The following NAPG variants were observed in gnomAD, a reference collection of about 807,000 sequenced individuals.
The protein encoded by NAPG is gamma-soluble NSF attachment protein.
NAPG carries 25 observed loss-of-function variants against 48.4 expected under a neutral mutation model. The ratio of observed to expected loss-of-function variants is 0.52; its 90% CI spans 0.38 to 0.72. The LOEUF (loss-of-function observed/expected upper bound fraction) is 0.72. Ranked by LOEUF, NAPG falls within the 30% of genes least tolerant of loss-of-function variation. NAPG has a pLI of 0.00. For missense variants in NAPG, 359 were observed against 372.5 expected (o/e 0.96, Z 0.30); for synonymous variants, 139 against 127.2 (o/e 1.09, Z -0.62).
At position 10,540,357 on chromosome 18, in the gene NAPG, A is replaced by G. The variant is rs745682963; in HGVS notation, c.464A>G (p.Glu155Gly). ...ENEERLRQAV[E>G]LLGKASRLLV... ...GAAGAACGCTTACGACAGGCAGTTG[A>G]ATTACTAGGAAAAGCCTCCAGACTA... Residue 155 changes from glutamate (E) to glycine (G), a missense_variant, in exon 8 of 12, where the codon GAA (glutamate) becomes GGA (glycine). Transcript: ENST00000322897. The G allele has an allele frequency of 6.2e-7, 1 of 1,613,806 alleles. No individual in the cohort carries two copies. Among genetic ancestry groups the G allele is most frequent in the Non-Finnish European group, 8.5e-7 (1 of 1,179,794 alleles).
In NAPG at chr18:10,540,390, G is replaced by A. The variant is rs749319093; in HGVS notation, c.497G>A (p.Arg166Gln). ...LLGKASRLLV[R>Q]GRRFDEAALS... Reference sequence around the variant, plus strand: ...GGAAAAGCCTCCAGACTACTAGTACGAGGACGTAGGTATGTCTTTAAAAAC... The same window carrying A: ...GGAAAAGCCTCCAGACTACTAGTACAAGGACGTAGGTATGTCTTTAAAAAC... The change falls in exon 8 of 12, where the codon CGA (arginine) becomes CAA (glutamine). Residue 166 changes from arginine to glutamine, a missense_variant. Transcript: ENST00000322897. 3.7e-5 allele frequency: 60 copies of A among 1,612,666 alleles called. No homozygotes were observed. The highest frequency in any genetic ancestry group is 1.7e-4 in the Middle Eastern group (1 of 6,056).
At chr18:10,526,190 A>G (rs2290279) in intron 1 of NAPG, 32 bp downstream of exon 1, 513,975 of 1,504,230 alleles carry the variant, frequency 0.34, 83,436 homozygotes, top group East Asian at 0.5. Context: ...GCCTGTGTGT[A>G]GACGCCGGGT....
intron 1 of NAPG, among the ~76,000 whole-genome samples, chr18:10,527,912 C>A (rs976238939): frequency 9.2e-5 from 14 of 151,948 alleles, no homozygotes; most frequent in South Asian, 2.1e-4. Flanking sequence ...CAGGCTGGGC[C>A]CTGTCGCTCA....
intron 5 of NAPG, among the ~76,000 whole-genome samples, chr18:10,536,595 A>G (rs2032037653): frequency 6.6e-6 from 1 of 152,192 alleles, no homozygotes; most frequent in African/African-American, 2.4e-5. Flanking sequence ...ATGGAGAAGT[A>G]TCAATATTGT....
intron 8 of NAPG, among the ~76,000 whole-genome samples, chr18:10,541,926 G>A (rs1340716982): frequency 6.6e-6 from 1 of 152,200 alleles, no homozygotes; most frequent in Non-Finnish European, 1.5e-5. Flanking sequence ...GAGAGGCCAG[G>A]ATCTTTTCGG....
Position 10,550,307 on chromosome 18 carries a change from G to A in NAPG, c.*87G>A, listed in dbSNP as rs932401718. ...ACTTGGGAATAGATTAGGGATATCC[G>A]TACTTCATTACAGTCATGATTTTGG... On this transcript the variant is annotated 3_prime_UTR_variant, in exon 12 of 12. Transcript: ENST00000322897. 58 of 1,375,554 alleles carry A rather than the reference G, an allele frequency of 4.2e-5. No homozygotes were observed. Among genetic ancestry groups the A allele is most frequent in the Admixed American group, 1.3e-4 (4 of 31,074 alleles). The allele number at this position is 1,375,554 out of a possible 1,614,324, so 85.2% of individuals were successfully genotyped here.
At position 10,546,748 on chromosome 18, in the gene NAPG, C is replaced by G. The variant is rs945030576; in HGVS notation, c.585+344C>G. ...CTCTTGCAGCATTCATTGCCCTGCC[C>G]TGAGAGAAGCCCACAGTTGTGGAGC... On this transcript the variant is annotated intron_variant, in intron 9 of 11. Transcript: ENST00000322897. This position sits in a 1 kb window ranked among gnomAD's most constrained non-coding sequence, Gnocchi z 4.0. 2.6e-5 allele frequency among the ~76,000 whole-genome samples: 4 copies of G among 152,154 alleles called. No individual in the cohort carries two copies. Among genetic ancestry groups the G allele is most frequent in the Admixed American group, 1.3e-4 (2 of 15,284 alleles).
At position 10,548,539 on chromosome 18, in the gene NAPG, C is replaced by CTT. The variant is rs377525469; in HGVS notation, c.665+172_665+173dup. Among the ~76,000 whole-genome samples, 88 of 144,324 alleles carry CTT rather than the reference C, an allele frequency of 6.1e-4. No homozygotes were observed. The highest frequency in any genetic ancestry group is 2.2e-3 in the African/African-American group (86 of 39,500). The allele number at this position is 144,324 out of a possible 152,430, so 94.7% of individuals were successfully genotyped here. On this transcript the variant is annotated intron_variant, in intron 10 of 11. Transcript: ENST00000322897. This position sits in a 1 kb window ranked among gnomAD's most constrained non-coding sequence, Gnocchi z 4.4. ...ATCTTTTACAGTGGGTGTTTTACAC[C>CTT]TTTTTTTTTTTTCCCTTTCCTGTAT...
chr18:10,529,687 A>T (rs2031889526), intron 1 of NAPG, among the ~76,000 whole-genome samples: 2 of 152,220 alleles, frequency 1.3e-5, no homozygotes, highest in African/African-American at 4.8e-5. Flanking sequence ...TGGGAGGCGG[A>T]AGTTGCAGTG....
chr18:10,540,028 T>C lies in NAPG; in HGVS notation c.409T>C (p.Tyr137His), dbSNP rs1288027441. 2 of 1,592,660 alleles carry C rather than the reference T, an allele frequency of 1.3e-6. No individual in the cohort carries two copies. Among genetic ancestry groups the C allele is most frequent in the Non-Finnish European group, 1.7e-6 (2 of 1,168,468 alleles). ...NVDPEKAVQL[Y>H]QQTANVFENE... ...TGATCCAGAGAAGGCTGTACAGTTA[T>C]ATCAACAGACAGCTAATGTGTTTGA... Residue 137 changes from tyrosine (Y) to histidine (H), a missense_variant, in exon 7 of 12, where the codon TAT (tyrosine) becomes CAT (histidine). Tyr to His is a moderately conservative substitution (Grantham distance 83). Coordinates refer to ENST00000322897, the MANE Select transcript of NAPG (RefSeq NM_003826.3).
chr18:10,540,089 T>C lies in NAPG; in HGVS notation c.435+35T>C, dbSNP rs768828491. On this transcript the variant is annotated intron_variant, in intron 7 of 11. Transcript: ENST00000322897. The stretch of plus-strand genomic sequence containing the variant: ...AATCTTATTTTTTTCTTTAATTACT[T>C]AGAATGTTTAGATTAATAATATATA... 14 of 1,460,040 alleles carry C rather than the reference T, an allele frequency of 9.6e-6. No individual in the cohort carries two copies. In the South Asian group the frequency reaches 1.7e-4, roughly 17 times the overall value. 90.4% of individuals were successfully genotyped at this position (1,460,040 alleles called of 1,614,324 possible). A position where few individuals can be genotyped will look rare whatever the true frequency, so the allele number is the denominator to read the frequency against.
At chr18:10,529,195 T>A (rs1181517059) in intron 1 of NAPG, among the ~76,000 whole-genome samples, 1 of 152,202 alleles carries the variant, frequency 6.6e-6, no homozygotes, top group Non-Finnish European at 1.5e-5. Flanking sequence ...TTGTTTTTAG[T>A]GGGATTAAAA....
At chr18:10,532,156 T>C (rs1165752014) in intron 2 of NAPG, among the ~76,000 whole-genome samples, 4 of 152,230 alleles carry the variant, frequency 2.6e-5, no homozygotes, top group African/African-American at 9.6e-5. Flanking sequence ...CAGTATGCTT[T>C]AGCTGTTTGA....
chr18:10,547,201 A>G (rs1383634547), intron 9 of NAPG, among the ~76,000 whole-genome samples: 1 of 152,264 alleles, frequency 6.6e-6, no homozygotes, highest in Non-Finnish European at 1.5e-5. Context: ...CCAAAGCCAC[A>G]TAGCAAAGGA....
chr18:10,531,303 G>A (rs1598409184), intron 2 of NAPG, among the ~76,000 whole-genome samples: 1 of 152,052 alleles, frequency 6.6e-6, no homozygotes, highest in East Asian at 1.9e-4. Context: ...TCTGTTCAGT[G>A]TTCATGAAGT....
intron 5 of NAPG, among the ~76,000 whole-genome samples, chr18:10,536,355 A>G (rs1598410299): frequency 1.3e-5 from 2 of 152,292 alleles, no homozygotes; most frequent in East Asian, 3.9e-4. Flanking sequence ...ATTTCTACCA[A>G]TTTGTCATAC....
rs779648003 is a variant in NAPG at position 10,546,408 on chromosome 18, T to C, written c.585+4T>C. Reference sequence around the variant, plus strand: ...GAATTATCCAACTTGTTATAAGGTATTCTTTGAAAGTGTTTGTTTTTGGTA... The same window carrying C: ...GAATTATCCAACTTGTTATAAGGTACTCTTTGAAAGTGTTTGTTTTTGGTA... On this transcript the variant is annotated splice_donor_region_variant and intron_variant, in intron 9 of 11. Transcript: ENST00000322897. The surrounding 1 kb of genome is among the most constrained non-coding windows in gnomAD (Gnocchi z 4.0). 1 of 1,502,364 alleles carries C rather than the reference T, an allele frequency of 6.7e-7. No individual in the cohort carries two copies. Among genetic ancestry groups the C allele is most frequent in the South Asian group, 1.2e-5 (1 of 81,792 alleles). 93.1% of individuals were successfully genotyped at this position (1,502,364 alleles called of 1,614,324 possible). A position where few individuals can be genotyped will look rare whatever the true frequency, so the allele number is the denominator to read the frequency against.
Position 10,539,921 on chromosome 18 carries a change from T to G in NAPG, c.368+50T>G. On this transcript the variant is annotated intron_variant, in intron 6 of 11. Transcript: ENST00000322897. This position sits in a 1 kb window ranked among gnomAD's most constrained non-coding sequence, Gnocchi z 4.7. ...TGCATAGAAGTCTTGTCTTTTTGTT[T>G]TAAAGAGGTCCCTGAAAAACAAGTT... The G allele has an allele frequency of 6.2e-7, 1 of 1,609,322 alleles. No individual in the cohort carries two copies. The highest frequency in any genetic ancestry group is 8.5e-7 in the Non-Finnish European group (1 of 1,176,424).
In NAPG at chr18:10,526,097, G is replaced by A. The variant is rs758375928; in HGVS notation, c.-6G>A. On this transcript the variant is annotated 5_prime_UTR_variant, in exon 1 of 12. In the 5' UTR this introduces an upstream ATG that the reference lacks. Coordinates refer to ENST00000322897, the MANE Select transcript of NAPG (RefSeq NM_003826.3). Reference sequence around the variant, plus strand: ...CTCTCTCCACGTCAGAGACCTGACTGTGGAGATGGCGGCTCAGAAGATAAA... The same window carrying A: ...CTCTCTCCACGTCAGAGACCTGACTATGGAGATGGCGGCTCAGAAGATAAA... 6.2e-7 allele frequency: 1 copy of A among 1,613,476 alleles called. No individual in the cohort carries two copies. The highest frequency in any genetic ancestry group is 8.5e-7 in the Non-Finnish European group (1 of 1,179,526).
Sources: gnomAD v4.1 joint callset for allele counts (sites outside exome capture counted in the v4.1 genomes callset) on GRCh38, gnomAD v4.1.1 for gene constraint, Gnocchi (gnomAD v3.1) non-coding constraint, MANE v1.5 for transcripts, NCBI Gene and HGNC (gene_info 2026-07-23, HGNC 2026-07-21) for gene names.